The following B4GALNT3 variants were observed in gnomAD, a reference collection of about 807,000 sequenced individuals.
B4GALNT3 encodes the protein beta-1,4-N-acetylgalactosaminyltransferase 3.
A neutral mutation model predicts 120.2 loss-of-function variants in B4GALNT3; 86 were observed. The ratio of observed to expected loss-of-function variants is 0.72; its 90% CI spans 0.60 to 0.86. The LOEUF (loss-of-function observed/expected upper bound fraction) is 0.86. B4GALNT3 is among the 40% of genes least tolerant of loss of function. The pLI is 0.00. For synonymous variants in B4GALNT3, 518 were observed against 510.4 expected (o/e 1.01, Z -0.20); for missense variants, 1,167 against 1,298.9 (o/e 0.90, Z 1.56).
At chr12:508,836 A>G (rs1946521173) in intron 1 of B4GALNT3, among the ~76,000 whole-genome samples, 1 of 152,196 alleles carries the variant, frequency 6.6e-6, no homozygotes, top group African/African-American at 2.4e-5. Context: ...GTCTCATGCT[A>G]CAAAGTGCCC....
intron 1 of B4GALNT3, among the ~76,000 whole-genome samples, chr12:473,705 G>A (rs1946158122): frequency 6.6e-6 from 1 of 152,178 alleles, no homozygotes; most frequent in South Asian, 2.1e-4. Context: ...TCATTCAGCA[G>A]GTGTTTACTG....
chr12:511,436 CA>C, intron 1 of B4GALNT3, among the ~76,000 whole-genome samples: 1 of 75,526 alleles, frequency 1.3e-5, no homozygotes. Flanking sequence ...CACCTTCTTC[CA>C]CCTTCCACCT....
intron 1 of B4GALNT3, among the ~76,000 whole-genome samples, chr12:485,852 C>G (rs2120488494): frequency 6.6e-6 from 1 of 152,256 alleles, no homozygotes; most frequent in Non-Finnish European, 1.5e-5. Context: ...ATCGACAATT[C>G]TTAGATTCCT....
chr12:507,048 G>A (rs7956316), intron 1 of B4GALNT3, among the ~76,000 whole-genome samples: 97,170 of 152,086 alleles, frequency 0.64, 32,814 homozygotes, highest in Non-Finnish European at 0.75. Flanking sequence ...CTCTATTATT[G>A]GCATCTTGCA....
intron 19 of B4GALNT3, among the ~76,000 whole-genome samples, chr12:560,470 C>T (rs1947216376): frequency 6.6e-6 from 1 of 152,142 alleles, no homozygotes; most frequent in Non-Finnish European, 1.5e-5. Context: ...AATAACTTGC[C>T]CCAAATCTCA....
chr12:498,009 A>C (rs1592023615), intron 1 of B4GALNT3, among the ~76,000 whole-genome samples: 1 of 150,576 alleles, frequency 6.6e-6, no homozygotes, highest in Non-Finnish European at 1.5e-5. Flanking sequence ...TTCCAAACCC[A>C]CCCCTGATTT....
chr12:560,773 G>A lies in B4GALNT3; in HGVS notation c.2889-570G>A, dbSNP rs562454750. Among the ~76,000 whole-genome samples the A allele has an allele frequency of 4.5e-3, 692 of 152,276 alleles. 6 individuals carry two copies. The highest frequency in any genetic ancestry group is 0.018 in the South Asian group (87 of 4,824). ...ACAGCCCTGAACCTCCTGCCTCCTC[G>A]GAGGCTCAGGCATCCAGTTCGGCCA... On this transcript the variant is annotated intron_variant, in intron 19 of 19. Transcript: ENST00000266383.
intron 4 of B4GALNT3, 81 bp from the exon 5 acceptor site, chr12:544,801 C>T: frequency 7.1e-7 from 1 of 1,410,704 alleles, no homozygotes; most frequent in East Asian, 2.3e-5. Flanking sequence ...ATAGTCCCCT[C>T]CTGGTCTTCC....
intron 1 of B4GALNT3, among the ~76,000 whole-genome samples, chr12:512,460 TCCAC>T (rs1406910190): frequency 9.5e-4 from 127 of 133,598 alleles, no homozygotes; most frequent in Middle Eastern, 6.1e-3. Context: ...CCTTCCACCT[TCCAC>T]CTTCCGCCCA....
At chr12:534,594 A>C (rs1369247280) in intron 1 of B4GALNT3, among the ~76,000 whole-genome samples, 1 of 152,178 alleles carries the variant, frequency 6.6e-6, no homozygotes, top group Non-Finnish European at 1.5e-5. Context: ...CGGTGACTCC[A>C]GTAATAGCAG....
At chr12:511,364 TCAACCTTCCG>T (rs1946553906) in intron 1 of B4GALNT3, among the ~76,000 whole-genome samples, 1 of 105,800 alleles carries the variant, frequency 9.5e-6, no homozygotes. Context: ...CCTTCCACCT[TCAACCTTCCG>T]CCTTCCGCCT....
rs1297378483 is a variant in B4GALNT3 at position 460,330 on chromosome 12, C to T, written c.-47C>T. The T allele has an allele frequency of 1.0e-6, 1 of 1,001,886 alleles. No individual in the cohort carries two copies. Among genetic ancestry groups the T allele is most frequent in the Non-Finnish European group, 1.2e-6 (1 of 841,444 alleles). 62.1% of individuals were successfully genotyped at this position (1,001,886 alleles called of 1,614,324 possible). The stretch of plus-strand genomic sequence containing the variant: ...GGGGCCCGGCCGGGGGGCGGCGGCT[C>T]GGGGGGTTGGAGCCCGCGCTGGCGG... On this transcript the variant is annotated 5_prime_UTR_variant, in exon 1 of 20. Transcript: ENST00000266383. This position sits in a 1 kb window ranked among gnomAD's most constrained non-coding sequence, Gnocchi z 8.0.
Position 553,474 on chromosome 12 carries a change from A to C in B4GALNT3, c.1551A>C (p.Lys517Asn). 1 of 1,614,054 alleles carries C rather than the reference A, an allele frequency of 6.2e-7. No homozygotes were observed. The highest frequency in any genetic ancestry group is 8.5e-7 in the Non-Finnish European group (1 of 1,180,026). ...AGCAGCCAGAGAAGAGGAAGCAAAA[A>C]CCCAGCCCTGAGCCCAGCCAAGATT... ...PVQQPEKRKQ[K>N]PSPEPSQDSP... Residue 517 changes from lysine to asparagine, a missense_variant, in exon 14 of 20, where the codon AAA (lysine) becomes AAC (asparagine). Physicochemically the swap from Lys to Asn is moderately conservative, Grantham distance 94. Coordinates refer to ENST00000266383, the MANE Select transcript of B4GALNT3 (RefSeq NM_173593.4).
chr12:511,626 G>GACCTTCC (rs1298161790), intron 1 of B4GALNT3, among the ~76,000 whole-genome samples: 1 of 23,590 alleles, frequency 4.2e-5, no homozygotes, highest in Non-Finnish European at 9.0e-5. Flanking sequence ...TTCCACCTTC[G>GACCTTCC]ACCTTCCACC....
intron 1 of B4GALNT3, among the ~76,000 whole-genome samples, chr12:517,023 A>G (rs1419205226): frequency 6.6e-6 from 1 of 152,172 alleles, no homozygotes; most frequent in Non-Finnish European, 1.5e-5. Flanking sequence ...TGGAGTTGTC[A>G]TTTACAGGAT....
At chr12:479,326 C>T (rs192746550) in intron 1 of B4GALNT3, among the ~76,000 whole-genome samples, 3 of 152,284 alleles carry the variant, frequency 2.0e-5, no homozygotes, top group African/African-American at 4.8e-5. Flanking sequence ...GTTACAAGCA[C>T]GTGCCACCGT....
In B4GALNT3 at chr12:518,318, G is replaced by T. The variant is rs1280515884; in HGVS notation, c.170-16848G>T. Among the ~76,000 whole-genome samples the T allele has an allele frequency of 5.3e-5, 8 of 152,296 alleles. No homozygotes were observed. In the East Asian group the frequency reaches 1.5e-3, roughly 29 times the overall value. On this transcript the variant is annotated intron_variant, in intron 1 of 19. Coordinates refer to ENST00000266383, the MANE Select transcript of B4GALNT3 (RefSeq NM_173593.4). ...TGTCTCTTGGTATCCACGACGGATT[G>T]ATTCCAGAATTCCCCATGGATACCA...
Position 512,053 on chromosome 12 carries a change from G to A in B4GALNT3, c.170-23113G>A, listed in dbSNP as rs1301858698. Among the ~76,000 whole-genome samples, 33 of 72,360 alleles carry A rather than the reference G, an allele frequency of 4.6e-4. 1 individual carries two copies. Among genetic ancestry groups the A allele is most frequent in the African/African-American group, 1.9e-3 (31 of 16,474 alleles). The allele number at this position is 72,360 out of a possible 152,430, so 47.5% of individuals were successfully genotyped here. A position where few individuals can be genotyped will look rare whatever the true frequency, so the allele number is the denominator to read the frequency against. On this transcript the variant is annotated intron_variant, in intron 1 of 19. Transcript: ENST00000266383. ...CTTCTACCTTCTGCCTTCCACCTTCGACCTTCTTCCACCTTCAACCTTCCA... is the reference window on the plus strand; with the variant it reads ...CTTCTACCTTCTGCCTTCCACCTTCAACCTTCTTCCACCTTCAACCTTCCA...
At chr12:554,447 A>G (rs1178519088) in intron 14 of B4GALNT3, among the ~76,000 whole-genome samples, 1 of 152,264 alleles carries the variant, frequency 6.6e-6, no homozygotes, top group African/African-American at 2.4e-5. Context: ...GATAAAATTT[A>G]TATAACATTA....
Sources: gnomAD v4.1 joint callset for allele counts (sites outside exome capture counted in the v4.1 genomes callset) on GRCh38, gnomAD v4.1.1 for gene constraint, Gnocchi (gnomAD v3.1) non-coding constraint, MANE v1.5 for transcripts, NCBI Gene and HGNC (gene_info 2026-07-23, HGNC 2026-07-21) for gene names.